Variants in CACNA2D2 observed in about 807,000 individuals in gnomAD.
CACNA2D2 encodes the protein calcium voltage-gated channel auxiliary subunit alpha2delta 2, also known as voltage-dependent calcium channel subunit alpha-2/delta-2.
In CACNA2D2, 48 loss-of-function variants were observed where a neutral mutation model predicts 166.4. The ratio of observed to expected loss-of-function variants is 0.29; its 90% CI spans 0.23 to 0.37. CACNA2D2 has a LOEUF of 0.37. Among genes scored for constraint, CACNA2D2 ranks in the 10% least tolerant of loss-of-function variants. CACNA2D2 has a pLI of 1.00. For synonymous variants in CACNA2D2, 561 were observed against 573.7 expected, an observed-to-expected ratio of 0.98 and a Z score of 0.32; for missense variants, 1,122 against 1,433.0, an observed-to-expected ratio of 0.78 and a Z score of 3.50.
chr3:50,423,975 C>T (rs552387546), intron 3 of CACNA2D2, among the ~76,000 whole-genome samples: 5 of 152,254 alleles, frequency 3.3e-5, no homozygotes, highest in Non-Finnish European at 7.3e-5. Context: ...GCCTGCCCCA[C>T]GCAATACCCC....
intron 2 of CACNA2D2, among the ~76,000 whole-genome samples, chr3:50,435,372 G>A (rs1708268454): frequency 6.6e-6 from 1 of 151,894 alleles, no homozygotes; most frequent in African/African-American, 2.4e-5. Context: ...GCCTGACTGG[G>A]TCCATGTGTT....
chr3:50,461,630 G>A (rs897216270), intron 2 of CACNA2D2, among the ~76,000 whole-genome samples: 9 of 151,778 alleles, frequency 5.9e-5, no homozygotes, highest in East Asian at 3.9e-4. Context: ...GCGTGGCGGC[G>A]CAGATCTGTA....
At chr3:50,464,966 G>C (rs1324070371) in intron 2 of CACNA2D2, among the ~76,000 whole-genome samples, 2 of 152,224 alleles carry the variant, frequency 1.3e-5, no homozygotes, top group Non-Finnish European at 2.9e-5. Context: ...ACTGGGGCTG[G>C]AGCAACCTCA....
chr3:50,448,268 C>A (rs1187325506), intron 2 of CACNA2D2, among the ~76,000 whole-genome samples: 1 of 152,162 alleles, frequency 6.6e-6, no homozygotes, highest in Non-Finnish European at 1.5e-5. Flanking sequence ...TAGTATTACG[C>A]TTTGTGGAGT....
At chr3:50,412,891 C>G (rs1707087074) in intron 3 of CACNA2D2, among the ~76,000 whole-genome samples, 1 of 152,196 alleles carries the variant, frequency 6.6e-6, no homozygotes, top group African/African-American at 2.4e-5. Flanking sequence ...ACCATCTCAG[C>G]CTGGGGGGGT....
chr3:50,502,006 G>GGA (rs1359155736), intron 1 of CACNA2D2, among the ~76,000 whole-genome samples: 1 of 152,140 alleles, frequency 6.6e-6, no homozygotes, highest in African/African-American at 2.4e-5. Context: ...ACGACAAGAC[G>GGA]GAGAGAGAGA....
chr3:50,409,207 G>A (rs900215240), intron 3 of CACNA2D2, among the ~76,000 whole-genome samples: 1 of 152,224 alleles, frequency 6.6e-6, no homozygotes, highest in African/African-American at 2.4e-5. Context: ...ACAGAGGAAC[G>A]CTGAAGTGCT....
At chr3:50,440,261 G>A (rs1708526682) in intron 2 of CACNA2D2, among the ~76,000 whole-genome samples, 1 of 152,256 alleles carries the variant, frequency 6.6e-6, no homozygotes, top group South Asian at 2.1e-4. Flanking sequence ...GCCTGGCACA[G>A]GGCTTACAGT....
chr3:50,461,580 G>T (rs922907780), intron 2 of CACNA2D2, among the ~76,000 whole-genome samples: 2 of 151,850 alleles, frequency 1.3e-5, no homozygotes, highest in Non-Finnish European at 2.9e-5. Context: ...GGCCAACATA[G>T]CGAAACCTCA....
intron 2 of CACNA2D2, among the ~76,000 whole-genome samples, chr3:50,437,133 A>G (rs1034202430): frequency 1.3e-5 from 2 of 152,162 alleles, no homozygotes; most frequent in Non-Finnish European, 2.9e-5. Context: ...CTGCGGCTGC[A>G]TGAGCCCTCG....
chr3:50,482,562 C>G (rs138606887), intron 1 of CACNA2D2, among the ~76,000 whole-genome samples: 400 of 152,358 alleles, frequency 2.6e-3, no homozygotes, highest in Non-Finnish European at 4.4e-3. Flanking sequence ...GGGATGCTAG[C>G]AGTGACGGCT....
intron 4 of CACNA2D2, among the ~76,000 whole-genome samples, chr3:50,391,951 G>A (rs923657285): frequency 6.6e-6 from 1 of 152,210 alleles, no homozygotes; most frequent in Admixed American, 6.5e-5. Context: ...GTTGGGGCTA[G>A]AAAAGGGAGT....
Position 50,364,820 on chromosome 3 carries a change from C to T in CACNA2D2, c.3292-14G>A. The T allele has an allele frequency of 1.2e-6, 2 of 1,612,780 alleles. No individual in the cohort carries two copies. The highest frequency in any genetic ancestry group is 1.7e-6 in the Non-Finnish European group (2 of 1,179,768). On this transcript the variant is annotated splice_polypyrimidine_tract_variant and intron_variant, in intron 37 of 37. Transcript: ENST00000424201. ...TGAGGTATCTTCCTGCGGGGAGAGA[C>T]AAGGAGCTGGTCGGCCTGGGCGGGC... is the stretch of plus-strand genomic sequence containing the variant.
intron 3 of CACNA2D2, among the ~76,000 whole-genome samples, chr3:50,396,299 C>T (rs112726677): frequency 3.4e-4 from 51 of 152,224 alleles, no homozygotes; most frequent in Middle Eastern, 6.8e-3. Context: ...CTGTCCTGCC[C>T]GGAACCTGCA....
At position 50,379,456 on chromosome 3, in the gene CACNA2D2, C is replaced by T. The variant is rs750344957; in HGVS notation, c.1128G>A (p.Glu376=). 6.2e-6 allele frequency: 10 copies of T among 1,613,790 alleles called. No individual in the cohort carries two copies. In the East Asian group the frequency reaches 2.0e-4, roughly 32 times the overall value. The change falls in exon 11 of 38, where the codon GAG becomes GAA. Residue 376 remains glutamate (E), a synonymous_variant. Transcript: ENST00000424201. This position sits in a 1 kb window ranked among gnomAD's most constrained non-coding sequence, Gnocchi z 6.5. ...CGTTCTGCAGCTGGTCAAAGGCATA[C>T]TCAAAGCCGGCCTTGTAGCCTGTGG... ...KGTTGYKAGF[E]YAFDQLQNSN...
rs1705054715 is a variant in CACNA2D2, at chr3:50,377,527, C to T, written c.1566G>A (p.Leu522=). Residue 522 remains leucine, a synonymous_variant, in exon 17 of 38, where the codon CTG becomes CTA. Transcript: ENST00000424201. ...GPGEKKNQLI[L]GVMGIDVALN... is the part of the protein sequence containing the mutation. The stretch of plus-strand genomic sequence containing the variant: ...GAGCCACGTCAATGCCCATCACGCC[C>T]AGGATCAGCTGGTTCTGGGAGCAGA... 6.2e-7 allele frequency: 1 copy of T among 1,613,240 alleles called. No individual in the cohort carries two copies. The highest frequency in any genetic ancestry group is 1.3e-5 in the African/African-American group (1 of 74,936).
chr3:50,387,001 C>A (rs1173243641), intron 5 of CACNA2D2, among the ~76,000 whole-genome samples: 1 of 152,208 alleles, frequency 6.6e-6, no homozygotes, highest in East Asian at 1.9e-4. Context: ...CCTCAGAGGG[C>A]AGCCCGGGCG....
intron 2 of CACNA2D2, among the ~76,000 whole-genome samples, chr3:50,452,020 G>A (rs965982220): frequency 1.3e-5 from 2 of 152,102 alleles, no homozygotes; most frequent in African/African-American, 2.4e-5. Flanking sequence ...CCTTCGGCAC[G>A]AGGCCCTCAT....
rs187698705 is a variant in CACNA2D2, at chr3:50,406,776, C to T, written c.406-12608G>A. Among the ~76,000 whole-genome samples the T allele has an allele frequency of 1.1e-4, 17 of 151,940 alleles. 2 individuals carry two copies. In the East Asian group the frequency reaches 1.7e-3, roughly 15 times the overall value. ...ACCTTTACCATCACTGTCACCACTACGACCATCACCCCACTGTGGTCACCT... is the reference window on the plus strand; with the variant it reads ...ACCTTTACCATCACTGTCACCACTATGACCATCACCCCACTGTGGTCACCT... On this transcript the variant is annotated intron_variant, in intron 3 of 37. Coordinates refer to ENST00000424201, the MANE Select transcript of CACNA2D2 (RefSeq NM_006030.4).
Sources: allele counts gnomAD v4.1 joint callset (sites outside exome capture counted in the v4.1 genomes callset), GRCh38; gene constraint gnomAD v4.1.1; non-coding constraint Gnocchi (gnomAD v3.1); transcripts MANE v1.5; gene names NCBI Gene and HGNC (gene_info 2026-07-23, HGNC 2026-07-21).